The following RANBP2 variants were observed in gnomAD, a reference collection of about 807,000 sequenced individuals.
The protein encoded by RANBP2 is RAN binding protein 2.
In RANBP2, 57 loss-of-function variants were observed where a neutral mutation model predicts 303.6. The observed-to-expected ratio is 0.19, with a 90% CI of 0.15 to 0.23. RANBP2 has a LOEUF of 0.23. RANBP2 is among the 10% of genes least tolerant of loss of function. RANBP2 has a pLI of 1.00. For synonymous variants in RANBP2, 1,167 were observed against 1,301.5 expected (o/e 0.90, Z 2.23); for missense variants, 3,138 against 3,780.8 (o/e 0.83, Z 4.46).
chr2:109,062,824 G>C, the RANBP2 span, among the ~76,000 whole-genome samples: 1 of 151,988 alleles, frequency 6.6e-6, no homozygotes, highest in African/African-American at 2.4e-5. Context: ...GGATGGTGAG[G>C]GGGTGGAGGG....
chr2:109,557,252 C>G, the RANBP2 span, among the ~76,000 whole-genome samples: 1 of 152,160 alleles, frequency 6.6e-6, no homozygotes, highest in Non-Finnish European at 1.5e-5. Flanking sequence ...CTTCATTAAT[C>G]TATACAAGCA....
chr2:109,125,826 T>C, the RANBP2 span, among the ~76,000 whole-genome samples: 1 of 152,248 alleles, frequency 6.6e-6, no homozygotes, highest in South Asian at 2.1e-4. Flanking sequence ...TTCAACTATT[T>C]AGTTCACACC....
At chr2:109,690,520 T>A in the RANBP2 span, among the ~76,000 whole-genome samples, 1 of 152,208 alleles carries the variant, frequency 6.6e-6, no homozygotes, top group African/African-American at 2.4e-5. Flanking sequence ...AGCTTAGTGA[T>A]TTAGGGGCCT....
intron 24 of RANBP2, 114 bp downstream of exon 24, chr2:108,776,050 A>G (rs760112711): frequency 4.2e-5 from 34 of 809,600 alleles, no homozygotes; most frequent in African/African-American, 3.6e-4. Context: ...TTTGATATGT[A>G]TAAAGGGGCA....
the RANBP2 span, among the ~76,000 whole-genome samples, chr2:109,226,047 C>T: frequency 6.6e-6 from 1 of 152,316 alleles, no homozygotes; most frequent in East Asian, 1.9e-4. Flanking sequence ...ATAGGCCTGA[C>T]CCTGAACAAC....
chr2:109,399,002 T>C, the RANBP2 span: 2 of 1,502,430 alleles, frequency 1.3e-6, no homozygotes, highest in Middle Eastern at 1.8e-4. Context: ...TATCCTCAGC[T>C]CCGTGTTCAG....
chr2:108,974,352 A>G, the RANBP2 span, among the ~76,000 whole-genome samples: 1 of 150,666 alleles, frequency 6.6e-6, no homozygotes, highest in Non-Finnish European at 1.5e-5. Context: ...AAAAAAAAAA[A>G]AAGAAATGCC....
the RANBP2 span, among the ~76,000 whole-genome samples, chr2:109,584,371 A>T: frequency 6.8e-6 from 1 of 147,054 alleles, no homozygotes; most frequent in African/African-American, 2.5e-5. Context: ...GCTACTCGGG[A>T]GGCTGAGGCA....
chr2:108,973,732 AT>A, the RANBP2 span, among the ~76,000 whole-genome samples: 1 of 152,170 alleles, frequency 6.6e-6, no homozygotes. Flanking sequence ...AAACCTGGAA[AT>A]TTTTTGGCTG....
the RANBP2 span, among the ~76,000 whole-genome samples, chr2:109,692,744 G>A: frequency 1.1e-4 from 16 of 152,206 alleles, no homozygotes; most frequent in African/African-American, 3.9e-4. Context: ...AATTGCAGAG[G>A]GAAGGGCCCA....
chr2:109,613,472 C>T, the RANBP2 span: 1 of 253,470 alleles, frequency 3.9e-6, no homozygotes. Flanking sequence ...CCTTCAACTC[C>T]GTTATAGCCG....
chr2:109,766,252 G>A, the RANBP2 span, among the ~76,000 whole-genome samples: 4,325 of 131,754 alleles, frequency 0.033, 6 homozygotes, highest in South Asian at 0.057. Context: ...CAGCAGTGGG[G>A]AAGGGGCTGC....
chr2:109,217,130 C>T, the RANBP2 span, among the ~76,000 whole-genome samples: 1 of 152,176 alleles, frequency 6.6e-6, no homozygotes, highest in East Asian at 1.9e-4. Context: ...AAGGCTAAAT[C>T]CTATTCCATC....
At chr2:108,873,447 G>A in the RANBP2 span, 1 of 1,582,128 alleles carries the variant, frequency 6.3e-7, no homozygotes, top group Non-Finnish European at 8.6e-7. Context: ...GATTTGTTTT[G>A]CAGAATCCTT....
chr2:109,300,329 G>A, the RANBP2 span, among the ~76,000 whole-genome samples: 80 of 152,074 alleles, frequency 5.3e-4, no homozygotes, highest in Non-Finnish European at 1.0e-3. Context: ...ATAGTCGCAC[G>A]CCACCATGTC....
At chr2:109,021,157 T>G in the RANBP2 span, among the ~76,000 whole-genome samples, 1 of 152,206 alleles carries the variant, frequency 6.6e-6, no homozygotes. Flanking sequence ...GGCAGCTGCC[T>G]GGGCTGTGGC....
At chr2:108,932,851 G>GGCT in the RANBP2 span, among the ~76,000 whole-genome samples, 1 of 152,186 alleles carries the variant, frequency 6.6e-6, no homozygotes, top group Non-Finnish European at 1.5e-5. Context: ...AGGCAGACAA[G>GGCT]GCTGCTGCTT....
chr2:109,478,226 T>A, the RANBP2 span, among the ~76,000 whole-genome samples: 3 of 152,248 alleles, frequency 2.0e-5, no homozygotes, highest in Middle Eastern at 3.2e-3. Flanking sequence ...TGGCTCCCAG[T>A]GTATTTTTCA....
chr2:109,689,622 C>A, the RANBP2 span, among the ~76,000 whole-genome samples: 4 of 152,142 alleles, frequency 2.6e-5, no homozygotes, highest in African/African-American at 9.7e-5. Flanking sequence ...TCCAGCCAGG[C>A]CTTCAACTGA....
Sources: gnomAD v4.1 joint callset for allele counts (sites outside exome capture counted in the v4.1 genomes callset) on GRCh38, gnomAD v4.1.1 for gene constraint, MANE v1.5 for transcripts, NCBI Gene and HGNC (gene_info 2026-07-23, HGNC 2026-07-21) for gene names.